Variants in EMC1 observed in about 807,000 individuals in gnomAD.
EMC1 encodes KIAA0090.
A neutral mutation model predicts 128.8 loss-of-function variants in EMC1; 103 were observed. The observed-to-expected ratio is 0.80, with a 90% CI of 0.68 to 0.94. The LOEUF is 0.94. Ranked by LOEUF, EMC1 falls within the 40% of genes least tolerant of loss-of-function variation. The probability of loss-of-function intolerance (pLI) is 0.00; values close to 1 mark genes in which losing one functional copy is unlikely to be tolerated. For synonymous variants in EMC1, 442 were observed against 490.4 expected, an observed-to-expected ratio of 0.90 and a Z score of 1.30; for missense variants, 1,083 against 1,250.6, an observed-to-expected ratio of 0.87 and a Z score of 2.02.
intron 5 of EMC1, 23 bp from the exon 6 acceptor site, chr1:19,241,165 G>A (rs373040202): frequency 6.8e-6 from 11 of 1,613,412 alleles, no homozygotes; most frequent in Admixed American, 1.7e-5. Context: ...AGAAGAAACC[G>A]CAGCGTCAGC....
intron 21 of EMC1, chr1:19,220,205 A>G (rs2093420906): frequency 6.1e-6 from 1 of 163,668 alleles, no homozygotes; most frequent in Non-Finnish European, 1.3e-5. Context: ...ACCCGACAAG[A>G]TGGTGGTTGT....
chr1:19,237,132 G>A lies in EMC1; in HGVS notation c.1309+10C>T, dbSNP rs767219204. 1.2e-6 allele frequency: 2 copies of A among 1,604,012 alleles called. No homozygotes were observed. The highest frequency in any genetic ancestry group is 1.7e-6 in the Non-Finnish European group (2 of 1,170,898). ...GAAATAAAAAAATGGGTTGAATGAG[G>A]TCTACTTACCCAACTGCTGCAGGAA... On this transcript the variant is annotated intron_variant, in intron 12 of 22. Transcript: ENST00000477853.
chr1:19,240,996 C>T lies in EMC1; in HGVS notation c.636+20G>A. 2 of 1,612,534 alleles carry T rather than the reference C, an allele frequency of 1.2e-6. No individual in the cohort carries two copies. The highest frequency in any genetic ancestry group is 1.7e-6 in the Non-Finnish European group (2 of 1,179,102). On this transcript the variant is annotated intron_variant, in intron 6 of 22. Transcript: ENST00000477853. Reference sequence around the variant, plus strand: ...CCCCCAACCCCACCTTATTCACAGGCTCCTGTCACCCTCCTGTACCTGCTG... The same window carrying T: ...CCCCCAACCCCACCTTATTCACAGGTTCCTGTCACCCTCCTGTACCTGCTG...
At chr1:19,227,114 T>C (rs1349011670) in intron 18 of EMC1, among the ~76,000 whole-genome samples, 199 bp downstream of exon 18, 1 of 152,122 alleles carries the variant, frequency 6.6e-6, no homozygotes, top group Non-Finnish European at 1.5e-5. Context: ...GGGCTAGACA[T>C]GAACATCCCA....
intron 1 of EMC1, among the ~76,000 whole-genome samples, chr1:19,249,336 C>T (rs79358342): frequency 0.028 from 4,251 of 152,226 alleles, 98 homozygotes; most frequent in South Asian, 0.041. Flanking sequence ...TGCCCTATAC[C>T]AGTGTACCAT....
chr1:19,250,813 T>C (rs1248631269), intron 1 of EMC1, among the ~76,000 whole-genome samples: 1 of 152,152 alleles, frequency 6.6e-6, no homozygotes, highest in Non-Finnish European at 1.5e-5. Flanking sequence ...ACACAAGTCT[T>C]AACTAGTAAA....
rs970485232 is a variant in EMC1, at chr1:19,217,075, C to CA, written c.*2227dup. On this transcript the variant is annotated 3_prime_UTR_variant, in exon 23 of 23. Transcript: ENST00000477853. ...GAAGAGGTAAGTCAAGGAATACACA[C>CA]AAAAAACAAGGAATGACAAGAAAGC... is the stretch of plus-strand genomic sequence containing the variant. 1.2e-4 allele frequency: 18 copies of CA among 151,928 alleles called. No homozygotes were observed. The highest frequency in any genetic ancestry group is 3.6e-4 in the African/African-American group (15 of 41,342). The allele number at this position is 151,928 out of a possible 1,614,324, so 9.4% of individuals were successfully genotyped here. A position where few individuals can be genotyped will look rare whatever the true frequency, so the allele number is the denominator to read the frequency against.
At chr1:19,235,818 G>A (rs1250604538) in intron 12 of EMC1, among the ~76,000 whole-genome samples, 2 of 152,242 alleles carry the variant, frequency 1.3e-5, no homozygotes, top group African/African-American at 2.4e-5. Context: ...ACTTGAGCCC[G>A]GGAGATTGAG....
intron 3 of EMC1, 23 bp from the exon 4 acceptor site, chr1:19,243,730 GAA>G: frequency 6.2e-7 from 1 of 1,610,144 alleles, no homozygotes; most frequent in Non-Finnish European, 8.5e-7. Flanking sequence ...AGATCGTGGT[GAA>G]GTCATTTCCC....
intron 9 of EMC1, 89 bp from the exon 10 acceptor site, chr1:19,238,946 A>C: frequency 2.1e-6 from 2 of 971,058 alleles, no homozygotes; most frequent in Non-Finnish European, 3.3e-6. Context: ...TCTTCTTAGC[A>C]CTTGAGAGAA....
At chr1:19,223,983 T>C (rs2093451848) in intron 18 of EMC1, among the ~76,000 whole-genome samples, 1 of 152,170 alleles carries the variant, frequency 6.6e-6, no homozygotes, top group Non-Finnish European at 1.5e-5. Context: ...CATCGCTAAA[T>C]CCAGTGGCTA....
At chr1:19,234,200 C>T in intron 13 of EMC1, 1 of 985,038 alleles carries the variant, frequency 1.0e-6, no homozygotes, top group Non-Finnish European at 1.2e-6. Context: ...TGGATCCAGG[C>T]AGCAGAAATA....
rs149183157 is a variant in EMC1 at position 19,239,949 on chromosome 1, G to C, written c.823C>G (p.Arg275Gly). 9.3e-6 allele frequency: 15 copies of C among 1,613,318 alleles called. No homozygotes were observed. In the East Asian group the frequency reaches 3.3e-4, roughly 36 times the overall value. ...DLEFGSGFQP[R>G]VLPTQPNPVD... ...GGGTTGGGCTGGGTAGGCAGGACCC[G>C]GGGTTGGAATCCACTTCCAAATTCT... Residue 275 changes from arginine (R) to glycine (G), a missense_variant, in exon 8 of 23, where the codon CGG (arginine) becomes GGG (glycine). Arg to Gly is a moderately radical substitution (Grantham distance 125). This residue lies in a region of EMC1 where 544 missense variants were observed against 572.4 expected (regional missense o/e 0.95). Transcript: ENST00000477853.
rs755215386 is a variant in EMC1, at chr1:19,230,942, G to A, written c.1966C>T (p.Arg656Trp). Residue 656 changes from arginine to tryptophan, a missense_variant, in exon 17 of 23, where the codon CGG (arginine) becomes TGG (tryptophan). Transcript: ENST00000477853. ...EYKVTAFPAT[R>W]NVLRQLHELA... ...TCATGTAGCTGTCGCAAGACATTCC[G>A]AGTGGCTGGAAAAGCTGTGACCTTG... 6.3e-5 allele frequency: 101 copies of A among 1,614,038 alleles called. No homozygotes were observed. The highest frequency in any genetic ancestry group is 7.3e-5 in the Non-Finnish European group (86 of 1,180,046).
chr1:19,219,316 C>A lies in EMC1; in HGVS notation c.2969G>T (p.Arg990Leu), dbSNP rs763991776. The A allele has an allele frequency of 2.5e-6, 4 of 1,613,992 alleles. No homozygotes were observed. In the South Asian group the frequency reaches 4.4e-5, roughly 18 times the overall value. ...KRLAQVKLLN[R>L]AWR is the part of the protein sequence containing the mutation. ...AGTCTTTGTTCTTTATCGCCAGGCC[C>A]GATTCAGGAGCTTCACCTGTGCCAG... The change falls in exon 23 of 23, where the codon CGG becomes CTG. Residue 990 changes from arginine to leucine, a missense_variant. This residue lies in a region of EMC1 where 527 missense variants were observed against 644.1 expected (regional missense o/e 0.82). Coordinates refer to ENST00000477853, the MANE Select transcript of EMC1 (RefSeq NM_015047.3).
chr1:19,228,008 C>A (rs1251224098), intron 17 of EMC1, among the ~76,000 whole-genome samples: 3 of 152,090 alleles, frequency 2.0e-5, no homozygotes, highest in Non-Finnish European at 2.9e-5. Flanking sequence ...GAGTTTGAGA[C>A]CAGCCTGACC....
intron 1 of EMC1, among the ~76,000 whole-genome samples, chr1:19,250,492 CAT>C (rs2093653795): frequency 6.6e-6 from 1 of 152,086 alleles, no homozygotes; most frequent in Non-Finnish European, 1.5e-5. Context: ...AAAAATGTAA[CAT>C]GTTTTATTTG....
intron 17 of EMC1, among the ~76,000 whole-genome samples, chr1:19,230,071 C>T (rs2093508089): frequency 6.6e-6 from 1 of 152,132 alleles, no homozygotes; most frequent in Non-Finnish European, 1.5e-5. Context: ...TCACAGCCAG[C>T]GTGTATTACT....
Position 19,227,461 on chromosome 1 carries a change from G to C in EMC1, c.2065-11C>G. The C allele has an allele frequency of 6.2e-7, 1 of 1,612,866 alleles. No individual in the cohort carries two copies. The highest frequency in any genetic ancestry group is 8.5e-7 in the Non-Finnish European group (1 of 1,179,642). On this transcript the variant is annotated splice_polypyrimidine_tract_variant and intron_variant, in intron 17 of 22. Coordinates refer to ENST00000477853, the MANE Select transcript of EMC1 (RefSeq NM_015047.3). The stretch of plus-strand genomic sequence containing the variant: ...CTCAGTGGTGAGATCCTAGGGCAGG[G>C]GCAAAAAAGCCTGTAATCAGGAGGG...
Sources: allele counts gnomAD v4.1 joint callset (sites outside exome capture counted in the v4.1 genomes callset), GRCh38; gene constraint gnomAD v4.1.1; regional missense constraint gnomAD v4.1.1; transcripts MANE v1.5; gene names NCBI Gene and HGNC (gene_info 2026-07-23, HGNC 2026-07-21).